Variants in PTGES3 observed in about 807,000 individuals in gnomAD.
PTGES3 encodes prostaglandin E synthase 3, also known as Hsp90 co-chaperone.
PTGES3 carries 5 observed loss-of-function variants against 29.9 expected under a neutral mutation model. That is an observed-to-expected ratio of 0.17 (90% CI 0.09 to 0.35). The LOEUF (loss-of-function observed/expected upper bound fraction) is 0.35. PTGES3 is among the 10% of genes least tolerant of loss of function. The pLI is 1.00. For synonymous variants in PTGES3, 49 were observed against 57.8 expected (o/e 0.85, Z 0.69); for missense variants, 128 against 190.0 (o/e 0.67, Z 1.92).
At position 56,674,652 on chromosome 12, in the gene PTGES3, C is replaced by G. The variant is rs1006857492; in HGVS notation, c.3-1587G>C. On this transcript the variant is annotated intron_variant, in intron 1 of 7. Coordinates refer to ENST00000262033, the MANE Select transcript of PTGES3 (RefSeq NM_006601.7). Reference sequence around the variant, plus strand: ...CCATCCTGGCTAACACGATGAAACCCTGTCTCTACTAAAAATACAAAAAAT... The same window carrying G: ...CCATCCTGGCTAACACGATGAAACCGTGTCTCTACTAAAAATACAAAAAAT... Among the ~76,000 whole-genome samples, 9 of 151,584 alleles carry G rather than the reference C, an allele frequency of 5.9e-5. No homozygotes were observed. The East Asian group carries it at 1.4e-3, about 23-fold the overall frequency.
At chr12:56,686,659 G>A (rs1414982116) in intron 1 of PTGES3, among the ~76,000 whole-genome samples, 2 of 152,098 alleles carry the variant, frequency 1.3e-5, no homozygotes, top group African/African-American at 4.8e-5. Flanking sequence ...TCACAGTTGT[G>A]AGCCACCGCG....
At chr12:56,683,450 G>A (rs1380917179) in intron 1 of PTGES3, among the ~76,000 whole-genome samples, 2 of 104,514 alleles carry the variant, frequency 1.9e-5, no homozygotes, top group Admixed American at 1.4e-4. Context: ...TTCAGCCTGG[G>A]CAACAAGAGA....
intron 1 of PTGES3, among the ~76,000 whole-genome samples, chr12:56,678,282 G>A (rs1219998404): frequency 6.6e-6 from 1 of 152,168 alleles, no homozygotes; most frequent in East Asian, 1.9e-4. Context: ...GGTTCAAGCA[G>A]TTCTCCTTCC....
At chr12:56,687,295 G>A (rs1259128385) in intron 1 of PTGES3, 2 of 991,754 alleles carry the variant, frequency 2.0e-6, no homozygotes, top group Non-Finnish European at 2.4e-6. Flanking sequence ...TCTTTCCAAA[G>A]TCGACACGTG....
At position 56,688,187 on chromosome 12, in the gene PTGES3, A is replaced by G. The variant is rs1321005243; in HGVS notation, c.-188T>C. The G allele has an allele frequency of 1.5e-5, 16 of 1,070,230 alleles. No homozygotes were observed. Among genetic ancestry groups the G allele is most frequent in the Admixed American group, 3.7e-5 (1 of 26,716 alleles). 66.3% of individuals were successfully genotyped at this position (1,070,230 alleles called of 1,614,324 possible). ...CGGGCCCCAGAATGCACCGCGCGGA[A>G]AGAGCGGCTCCTCCGGTCGGGGAGA... On this transcript the variant is annotated 5_prime_UTR_variant, in exon 1 of 8. Coordinates refer to ENST00000262033, the MANE Select transcript of PTGES3 (RefSeq NM_006601.7).
intron 6 of PTGES3, 92 bp from the exon 7 acceptor site, chr12:56,664,892 G>T: frequency 1.3e-6 from 2 of 1,541,638 alleles, no homozygotes; most frequent in South Asian, 2.5e-5. Context: ...CTATATTTTT[G>T]ACTAAAGTAG....
chr12:56,673,512 A>G (rs1363267511), intron 1 of PTGES3, among the ~76,000 whole-genome samples: 2 of 145,372 alleles, frequency 1.4e-5, no homozygotes, highest in South Asian at 4.3e-4. Context: ...AAAAAAAAAA[A>G]GCAGGGTACG....
chr12:56,671,313 A>C (rs1398679028), intron 4 of PTGES3, among the ~76,000 whole-genome samples: 2 of 152,070 alleles, frequency 1.3e-5, no homozygotes, highest in African/African-American at 4.8e-5. Context: ...AGGGAGGATC[A>C]CTTGGAGCCT....
At chr12:56,665,647 CTTCT>C (rs1410054579) in intron 6 of PTGES3, 7 of 984,686 alleles carry the variant, frequency 7.1e-6, no homozygotes, top group East Asian at 2.3e-4. Context: ...AACTGACTCT[CTTCT>C]TTCTTTTTGA....
intron 1 of PTGES3, chr12:56,687,283 T>C: frequency 2.0e-6 from 2 of 995,414 alleles, no homozygotes; most frequent in East Asian, 1.1e-4. Context: ...AAAATGTCCG[T>C]ATCTTTCCAA....
At chr12:56,681,835 C>A (rs1276044816) in intron 1 of PTGES3, among the ~76,000 whole-genome samples, 1 of 151,654 alleles carries the variant, frequency 6.6e-6, no homozygotes, top group Non-Finnish European at 1.5e-5. Flanking sequence ...CCAGCCTGGG[C>A]GACAGAGCAA....
chr12:56,685,477 T>TGCAAG (rs1280049482), intron 1 of PTGES3, among the ~76,000 whole-genome samples: 1 of 150,608 alleles, frequency 6.6e-6, no homozygotes, highest in Non-Finnish European at 1.5e-5. Context: ...CGCCGCTCAC[T>TGCAAG]GCAAGCTCCG....
chr12:56,669,078 C>T (rs538012917), intron 5 of PTGES3, among the ~76,000 whole-genome samples: 3 of 132,954 alleles, frequency 2.3e-5, no homozygotes, highest in Non-Finnish European at 3.1e-5. Context: ...GGTGTGATCT[C>T]GGCTCACTGC....
chr12:56,685,389 T>C (rs977310836), intron 1 of PTGES3, among the ~76,000 whole-genome samples: 21 of 129,024 alleles, frequency 1.6e-4, no homozygotes, highest in African/African-American at 6.1e-4. Context: ...AAGGTAGCAT[T>C]TTTTCTTTTC....
chr12:56,667,909 G>A (rs1044099428), intron 5 of PTGES3, among the ~76,000 whole-genome samples: 1 of 152,056 alleles, frequency 6.6e-6, no homozygotes, highest in Non-Finnish European at 1.5e-5. Context: ...GGAGTTCGAG[G>A]CTAGCCTGCC....
chr12:56,664,729 T>C (rs749022550), intron 7 of PTGES3, 47 bp downstream of exon 7: 1 of 1,560,104 alleles, frequency 6.4e-7, no homozygotes, highest in African/African-American at 1.4e-5. Flanking sequence ...AGTTTGTTTT[T>C]TGATGCAAAG....
chr12:56,684,752 T>C (rs983144014), intron 1 of PTGES3, among the ~76,000 whole-genome samples: 3 of 152,136 alleles, frequency 2.0e-5, no homozygotes, highest in African/African-American at 7.2e-5. Flanking sequence ...AAATCTTAAG[T>C]GGGGGAAGGT....
At position 56,688,129 on chromosome 12, in the gene PTGES3, C is replaced by G; in HGVS notation, c.-130G>C. 1.4e-6 allele frequency: 2 copies of G among 1,404,780 alleles called. No homozygotes were observed. Among genetic ancestry groups the G allele is most frequent in the South Asian group, 1.5e-5 (1 of 65,616 alleles). 87.0% of individuals were successfully genotyped at this position (1,404,780 alleles called of 1,614,324 possible). A position where few individuals can be genotyped will look rare whatever the true frequency, so the allele number is the denominator to read the frequency against. On this transcript the variant is annotated 5_prime_UTR_variant, in exon 1 of 8. Transcript: ENST00000262033. Reference sequence around the variant, plus strand: ...CCGGTCGCGGCCTCTTCTCGCTTCCCTCAGGCGACGGCGGCAGCGGCGGGC... The same window carrying G: ...CCGGTCGCGGCCTCTTCTCGCTTCCGTCAGGCGACGGCGGCAGCGGCGGGC...
At chr12:56,667,683 G>A (rs959259155) in intron 5 of PTGES3, among the ~76,000 whole-genome samples, 3 of 152,214 alleles carry the variant, frequency 2.0e-5, no homozygotes, top group African/African-American at 4.8e-5. Flanking sequence ...GAGCTGGGGG[G>A]AAGGAAAATG....
Sources: gnomAD v4.1 joint callset for allele counts (sites outside exome capture counted in the v4.1 genomes callset) on GRCh38, gnomAD v4.1.1 for gene constraint, MANE v1.5 for transcripts, NCBI Gene and HGNC (gene_info 2026-07-23, HGNC 2026-07-21) for gene names.